PIKFYVE: variants seen among roughly 807,000 people sequenced by gnomAD.
The protein encoded by PIKFYVE is phosphoinositide kinase, FYVE-type zinc finger containing.
In PIKFYVE, 122 loss-of-function variants were observed where a neutral mutation model predicts 257.9. The observed-to-expected ratio is 0.47, with a 90% confidence interval of 0.41 to 0.55. The LOEUF is 0.55. Ranked by LOEUF, PIKFYVE falls within the 20% of genes least tolerant of loss-of-function variation. The pLI, the probability that PIKFYVE is intolerant of heterozygous loss-of-function variation, is 0.00. For synonymous variants in PIKFYVE, 892 were observed against 868.9 expected (o/e 1.03, Z -0.47); for missense variants, 2,160 against 2,536.6 (o/e 0.85, Z 3.19).
chr2:208,281,369 C>T (rs1224047685), intron 5 of PIKFYVE, among the ~76,000 whole-genome samples: 1 of 152,230 alleles, frequency 6.6e-6, no homozygotes, highest in African/African-American at 2.4e-5. Context: ...GGGCCCATGT[C>T]AGTAAATTCA....
At chr2:208,269,893 G>A (rs991337600) in intron 1 of PIKFYVE, 4 of 296,968 alleles carry the variant, frequency 1.3e-5, no homozygotes, top group African/African-American at 6.8e-5. Context: ...GCTGCTGCTG[G>A]CTTGGCAGCA....
intron 20 of PIKFYVE, among the ~76,000 whole-genome samples, chr2:208,326,732 G>A (rs1696967749): frequency 6.6e-6 from 1 of 152,172 alleles, no homozygotes. Flanking sequence ...TGACTTGGAT[G>A]TGGTATGATA....
rs1178660482 is a variant in PIKFYVE at position 208,346,153 on chromosome 2, A to G, written c.5209+6A>G. On this transcript the variant is annotated splice_donor_region_variant and intron_variant, in intron 34 of 41. Coordinates refer to ENST00000264380, the MANE Select transcript of PIKFYVE (RefSeq NM_015040.4). ...AGAAACAGAACCACAACCAAGTAAG[A>G]TTACACATGGAGGAATATTTATAAT... The G allele has an allele frequency of 6.3e-7, 1 of 1,588,302 alleles. No individual in the cohort carries two copies. The highest frequency in any genetic ancestry group is 1.1e-5 in the South Asian group (1 of 90,526).
In PIKFYVE at chr2:208,355,303, T is replaced by TG; in HGVS notation, c.6296dup (p.Ter2099TrpfsTer54). Reference sequence around the variant, plus strand: ...CTGGACAGGCTTGGGTCTGAATTGCTGAAATCAAGCACATATTTTGAAATG... The same window carrying TG: ...CTGGACAGGCTTGGGTCTGAATTGCTGGAAATCAAGCACATATTTTGAAATG... On this transcript the variant is annotated frameshift_variant and stop_lost, in exon 42 of 42. Transcript: ENST00000264380. LOFTEE classifies it high-confidence loss of function. 1 of 1,609,448 alleles carries TG rather than the reference T, an allele frequency of 6.2e-7. No homozygotes were observed. The highest frequency in any genetic ancestry group is 1.7e-5 in the Admixed American group (1 of 59,976).
intron 1 of PIKFYVE, among the ~76,000 whole-genome samples, chr2:208,270,193 C>T (rs1392565543): frequency 6.6e-6 from 1 of 151,888 alleles, no homozygotes; most frequent in African/African-American, 2.4e-5. Flanking sequence ...AGGTACCCGC[C>T]ACCATGTCCA....
intron 12 of PIKFYVE, 112 bp downstream of exon 12, chr2:208,305,125 T>G: frequency 1.3e-6 from 2 of 1,559,388 alleles, no homozygotes; most frequent in Non-Finnish European, 1.7e-6. Context: ...TGAGGGTATT[T>G]GGTGTGGGTT....
intron 28 of PIKFYVE, among the ~76,000 whole-genome samples, 196 bp from the exon 29 acceptor site, chr2:208,338,308 TTCTC>T (rs755276104): frequency 6.6e-6 from 1 of 152,156 alleles, no homozygotes; most frequent in South Asian, 2.1e-4. Context: ...TTTAATAACT[TTCTC>T]TGTTTTAATT....
rs1559192009 is a variant in PIKFYVE, at chr2:208,358,210, C to T, written c.*2905C>T. 6.6e-6 allele frequency: 1 copy of T among 152,560 alleles called. No individual in the cohort carries two copies. The highest frequency in any genetic ancestry group is 2.4e-5 in the African/African-American group (1 of 41,430). The allele number at this position is 152,560 out of a possible 1,614,324, so 9.5% of individuals were successfully genotyped here. On this transcript the variant is annotated 3_prime_UTR_variant, in exon 42 of 42. Coordinates refer to ENST00000264380, the MANE Select transcript of PIKFYVE (RefSeq NM_015040.4). ...GTCATCAGCTTCATGACATTTTACC[C>T]ATTTGCAGTGATCCTGTGTAAAACT...
In PIKFYVE at chr2:208,339,402, T is replaced by C; in HGVS notation, c.4673-16T>C. ...ATGTATGTAAATGACTCATTTAAGA[T>C]TGTGTTTTTCTTTAGAGGATCGCTT... On this transcript the variant is annotated splice_polypyrimidine_tract_variant and intron_variant, in intron 29 of 41. Coordinates refer to ENST00000264380, the MANE Select transcript of PIKFYVE (RefSeq NM_015040.4). 1 of 1,613,666 alleles carries C rather than the reference T, an allele frequency of 6.2e-7. No individual in the cohort carries two copies. Among genetic ancestry groups the C allele is most frequent in the Non-Finnish European group, 8.5e-7 (1 of 1,179,578 alleles).
At chr2:208,288,858 A>G in intron 7 of PIKFYVE, 40 bp downstream of exon 7, 1 of 1,606,278 alleles carries the variant, frequency 6.2e-7, no homozygotes. Flanking sequence ...TCTGATGTTT[A>G]TTTCTTTTCA....
chr2:208,287,309 T>C (rs1691706074), intron 6 of PIKFYVE, among the ~76,000 whole-genome samples: 3 of 151,268 alleles, frequency 2.0e-5, no homozygotes, highest in African/African-American at 7.3e-5. Flanking sequence ...TTTTTGCTCT[T>C]GTTGCCCAGG....
chr2:208,325,971 C>G lies in PIKFYVE; in HGVS notation c.3160C>G (p.Leu1054Val). Residue 1054 changes from leucine (L) to valine (V), a missense_variant, in exon 20 of 42, where the codon CTC becomes GTC. By Grantham distance (32) the Leu-to-Val change is conservative (BLOSUM62 1). Transcript: ENST00000264380. ...AFKQELKDVI[L>V]CISPVITFRE... is the part of the protein sequence containing the mutation. The stretch of plus-strand genomic sequence containing the variant: ...TAAGCAGGAATTAAAAGATGTGATC[C>G]TCTGTATCTCCCCAGTAATCACATT... 5.0e-6 allele frequency: 8 copies of G among 1,613,908 alleles called. No individual in the cohort carries two copies. Among genetic ancestry groups the G allele is most frequent in the Non-Finnish European group, 6.8e-6 (8 of 1,179,812 alleles).
intron 5 of PIKFYVE, among the ~76,000 whole-genome samples, chr2:208,284,508 G>T (rs897869069): frequency 6.6e-6 from 1 of 152,068 alleles, no homozygotes; most frequent in Non-Finnish European, 1.5e-5. Flanking sequence ...TGATTTATCC[G>T]TCTCAGTCTC....
At chr2:208,269,744 C>T in intron 1 of PIKFYVE, 1 of 248,584 alleles carries the variant, frequency 4.0e-6, no homozygotes. Context: ...AGCTTGAAGG[C>T]CACCTTGAAC....
At chr2:208,285,162 C>A (rs904673612) in intron 5 of PIKFYVE, among the ~76,000 whole-genome samples, 3 of 152,210 alleles carry the variant, frequency 2.0e-5, no homozygotes, top group African/African-American at 7.2e-5. Context: ...ATGGCACAGT[C>A]TTGGCTCACT....
At chr2:208,341,827 A>G (rs12621871) in intron 31 of PIKFYVE, among the ~76,000 whole-genome samples, 141,725 of 152,098 alleles carry the variant, frequency 0.93, 66,536 homozygotes, top group Non-Finnish European at 0.98. Context: ...ATTTTGTGGG[A>G]GCTGGGAGGG....
chr2:208,353,592 G>A (rs917972739), intron 39 of PIKFYVE, among the ~76,000 whole-genome samples: 1 of 151,700 alleles, frequency 6.6e-6, no homozygotes, highest in Admixed American at 6.6e-5. Context: ...TATTTCTGGA[G>A]TTACTTGTTA....
chr2:208,342,659 ATGGGACTTTGACT>A lies in PIKFYVE; in HGVS notation c.5027+12_5027+24del. On this transcript the variant is annotated intron_variant, in intron 32 of 41. Transcript: ENST00000264380. ...TTGCTTTTGCTCTCAGGTATTATTC[ATGGGACTTTGACT>A]TATGATGATATCTATGTATTTTATG... 6.3e-7 allele frequency: 1 copy of A among 1,588,600 alleles called. No individual in the cohort carries two copies. Among genetic ancestry groups the A allele is most frequent in the Non-Finnish European group, 8.6e-7 (1 of 1,156,760 alleles).
Position 208,315,840 on chromosome 2 carries a change from A to ATT in PIKFYVE, c.2007+477_2007+478dup, listed in dbSNP as rs11411153. ...TTAAAACATTATGACATTTTTTGCG[A>ATT]TTTTTTTTTTTAACTTTTTTATGTC... On this transcript the variant is annotated intron_variant, in intron 15 of 41. Coordinates refer to ENST00000264380, the MANE Select transcript of PIKFYVE (RefSeq NM_015040.4). 1.4e-3 allele frequency among the ~76,000 whole-genome samples: 210 copies of ATT among 147,894 alleles called. 2 individuals are homozygous for ATT. Among genetic ancestry groups the ATT allele is most frequent in the East Asian group, 0.012 (59 of 5,028 alleles).
Sources: gnomAD v4.1 joint callset for allele counts (sites outside exome capture counted in the v4.1 genomes callset) on GRCh38, gnomAD v4.1.1 for gene constraint, MANE v1.5 for transcripts, NCBI Gene and HGNC (gene_info 2026-07-23, HGNC 2026-07-21) for gene names.